The following HMOX1 variants were observed in gnomAD, a reference collection of about 807,000 sequenced individuals.
HMOX1 encodes heme oxygenase 1.
Under a neutral mutation model 27.8 loss-of-function variants are expected in HMOX1, and 22 were observed. That is an observed-to-expected ratio of 0.79 (90% CI 0.57 to 1.13). The LOEUF (loss-of-function observed/expected upper bound fraction) is 1.13. Among genes scored for constraint, HMOX1 ranks in the 50% most tolerant of loss-of-function variants. The pLI, the probability that HMOX1 is intolerant of heterozygous loss-of-function variation, is 0.00. For synonymous variants in HMOX1, 153 were observed against 151.6 expected, an observed-to-expected ratio of 1.01 and a Z score of -0.07; for missense variants, 379 against 377.7, an observed-to-expected ratio of 1.00 and a Z score of -0.03.
Position 35,383,232 on chromosome 22 carries a change from T to A in HMOX1, c.144+6T>A. The A allele has an allele frequency of 6.2e-7, 1 of 1,613,020 alleles. No homozygotes were observed. Among genetic ancestry groups the A allele is most frequent in the Non-Finnish European group, 8.5e-7 (1 of 1,179,258 alleles). On this transcript the variant is annotated splice_donor_region_variant and intron_variant, in intron 2 of 4. Transcript: ENST00000216117. ...TGACCCGAGACGGCTTCAAGGTATG[T>A]GGCTTGGTGGGACTAGCCCTGGTGG...
rs1348907082 is a variant in HMOX1, at chr22:35,381,097, A to G, written c.-77A>G. ...TGACCGGCCGCGGCTCCGGCAGTCA[A>G]CGCCTGCCTCCTCTCGAGCGTCCTC... is the stretch of plus-strand genomic sequence containing the variant. On this transcript the variant is annotated 5_prime_UTR_variant, in exon 1 of 5. Coordinates refer to ENST00000216117, the MANE Select transcript of HMOX1 (RefSeq NM_002133.3). 6.6e-7 allele frequency: 1 copy of G among 1,516,768 alleles called. No individual in the cohort carries two copies. Among genetic ancestry groups the G allele is most frequent in the African/African-American group, 1.4e-5 (1 of 72,518 alleles). The allele number at this position is 1,516,768 out of a possible 1,614,324, so 94.0% of individuals were successfully genotyped here.
chr22:35,384,377 C>T (rs970931078), intron 2 of HMOX1, among the ~76,000 whole-genome samples: 3 of 152,098 alleles, frequency 2.0e-5, no homozygotes, highest in South Asian at 2.1e-4. Flanking sequence ...AGCCACCACC[C>T]GGCCGAGACA....
At chr22:35,392,232 AAAAAAG>A (rs1161985394) in intron 4 of HMOX1, among the ~76,000 whole-genome samples, 1 of 151,758 alleles carries the variant, frequency 6.6e-6, no homozygotes, top group Non-Finnish European at 1.5e-5. Context: ...AAAAAAAAAA[AAAAAAG>A]AAAGAAAAGA....
At chr22:35,389,734 T>C (rs2145770731) in intron 3 of HMOX1, 130 bp from the exon 4 acceptor site, 1 of 731,894 alleles carries the variant, frequency 1.4e-6, no homozygotes, top group Non-Finnish European at 2.4e-6. Flanking sequence ...CACCACCGTG[T>C]CCGGCCAATA....
At position 35,389,300 on chromosome 22, in the gene HMOX1, T is replaced by C. The variant is rs867063422; in HGVS notation, c.637-564T>C. Among the ~76,000 whole-genome samples, 444 of 83,154 alleles carry C rather than the reference T, an allele frequency of 5.3e-3. 10 individuals are homozygous for C. The highest frequency in any genetic ancestry group is 0.029 in the Middle Eastern group (5 of 172). 54.6% of individuals were successfully genotyped at this position (83,154 alleles called of 152,430 possible). A position where few individuals can be genotyped will look rare whatever the true frequency, so the allele number is the denominator to read the frequency against. ...CTCTCTCTCTCTCTCTTCTTTCTTC[T>C]TTCTTTCTTTCTTTCTTTCTTCTTT... is the stretch of plus-strand genomic sequence containing the variant. On this transcript the variant is annotated intron_variant, in intron 3 of 4. Transcript: ENST00000216117.
chr22:35,389,428 CTATCTTTCTTTCTTTCTTT>C (rs1931649534), intron 3 of HMOX1, among the ~76,000 whole-genome samples: 2 of 63,984 alleles, frequency 3.1e-5, no homozygotes, highest in Non-Finnish European at 3.2e-5. Context: ...TTCTTTCTTT[CTATCTTTCTTTCTTTCTTT>C]CTTTTCTTTC....
intron 2 of HMOX1, among the ~76,000 whole-genome samples, chr22:35,384,131 G>A (rs1931451530): frequency 1.3e-5 from 2 of 151,912 alleles, no homozygotes; most frequent in Non-Finnish European, 1.5e-5. Context: ...GTCCGGGCTG[G>A]AGTGCAATGG....
chr22:35,386,584 C>T lies in HMOX1; in HGVS notation c.145-101C>T, dbSNP rs958064094. On this transcript the variant is annotated intron_variant, in intron 2 of 4. Transcript: ENST00000216117. ...GGCAGAAGGAGTCAGAGCCCAGCTG[C>T]GAAGTGAGGAGGGCCTTTCCAAAGG... 9.5e-6 allele frequency: 14 copies of T among 1,468,408 alleles called. No homozygotes were observed. In the East Asian group the frequency reaches 1.2e-4, roughly 12 times the overall value. 91.0% of individuals were successfully genotyped at this position (1,468,408 alleles called of 1,614,324 possible).
At chr22:35,383,039 G>T in intron 1 of HMOX1, 67 bp from the exon 2 acceptor site, 3 of 1,601,268 alleles carry the variant, frequency 1.9e-6, no homozygotes, top group South Asian at 2.2e-5. Flanking sequence ...CAGGTGGGAG[G>T]CTCAGCAGTT....
Position 35,389,945 on chromosome 22 carries a change from G to T in HMOX1, c.718G>T (p.Ala240Ser). 1 of 1,611,204 alleles carries T rather than the reference G, an allele frequency of 6.2e-7. No homozygotes were observed. The highest frequency in any genetic ancestry group is 1.7e-5 in the Admixed American group (1 of 59,812). ...PSRAPGLRQR[A>S]SNKVQDSAPV... is the part of the protein sequence containing the mutation. The stretch of plus-strand genomic sequence containing the variant: ...ACGGGCACCAGGGCTTCGCCAGCGG[G>T]CCAGCAACAAAGTGCAAGGTGAGAG... Residue 240 changes from alanine (A) to serine (S), a missense_variant, in exon 4 of 5, where the codon GCC becomes TCC. Ala to Ser is a moderately conservative substitution (Grantham distance 99). Coordinates refer to ENST00000216117, the MANE Select transcript of HMOX1 (RefSeq NM_002133.3).
At chr22:35,388,687 C>T (rs1931570098) in intron 3 of HMOX1, among the ~76,000 whole-genome samples, 1 of 152,040 alleles carries the variant, frequency 6.6e-6, no homozygotes, top group Non-Finnish European at 1.5e-5. Context: ...GTCCCAGCTA[C>T]TCAGGAGGCT....
Position 35,387,119 on chromosome 22 carries a change from C to G in HMOX1, c.579C>G (p.Pro193=), listed in dbSNP as rs142857696. 14 of 1,613,496 alleles carry G rather than the reference C, an allele frequency of 8.7e-6. No homozygotes were observed. In the African/African-American group the frequency reaches 1.2e-4, roughly 14 times the overall value. The change falls in exon 3 of 5, where the codon CCC becomes CCG. Residue 193 remains proline, a synonymous_variant. Transcript: ENST00000216117. ...RSRMNSLEMT[P]AVRQRVIEEA... is the part of the protein sequence containing the mutation. ...GCATGAACTCCCTGGAGATGACTCC[C>G]GCAGTCAGGCAGAGGGTGATAGAAG...
chr22:35,391,089 A>G (rs904124854), intron 4 of HMOX1, among the ~76,000 whole-genome samples: 13 of 151,722 alleles, frequency 8.6e-5, no homozygotes, highest in Admixed American at 8.5e-4. Context: ...TGGCTTTCTC[A>G]CTTGTGCCAG....
chr22:35,381,957 G>C (rs73410829), intron 1 of HMOX1, among the ~76,000 whole-genome samples: 1,767 of 152,200 alleles, frequency 0.012, 30 homozygotes, highest in African/African-American at 0.04. Context: ...ACCCATGACA[G>C]AAATACTCCC....
At position 35,383,157 on chromosome 22, in the gene HMOX1, C is replaced by T; in HGVS notation, c.75C>T (p.His25=). The stretch of plus-strand genomic sequence containing the variant: ...TGAAGGAGGCCACCAAGGAGGTGCA[C>T]ACCCAGGCAGAGAATGCTGAGTTCA... ...EALKEATKEV[H]TQAENAEFMR... Residue 25 remains histidine, a synonymous_variant, in exon 2 of 5, where the codon CAC becomes CAT. Transcript: ENST00000216117. 2 of 1,613,858 alleles carry T rather than the reference C, an allele frequency of 1.2e-6. No homozygotes were observed. Among genetic ancestry groups the T allele is most frequent in the Non-Finnish European group, 8.5e-7 (1 of 1,179,812 alleles).
chr22:35,390,182 T>TC, intron 4 of HMOX1: 1 of 590,918 alleles, frequency 1.7e-6, no homozygotes, highest in African/African-American at 1.8e-5. Context: ...TGCCTCTGCC[T>TC]CCCCACATGC....
Position 35,389,231 on chromosome 22 carries a change from T to TTCTTTCTTTC in HMOX1, c.637-624_637-623insCTCTTTCTTT, listed in dbSNP as rs1473345452. ...TTTCTTTCTCTCTTTCTTTCTTTCT[T>TTCTTTCTTTC]TCTTTCTTTTTCTTTCTTTTCTCTC... is the stretch of plus-strand genomic sequence containing the variant. On this transcript the variant is annotated intron_variant, in intron 3 of 4. Coordinates refer to ENST00000216117, the MANE Select transcript of HMOX1 (RefSeq NM_002133.3). Among the ~76,000 whole-genome samples the TTCTTTCTTTC allele has an allele frequency of 6.6e-5, 9 of 137,136 alleles. 1 individual carries two copies. Among genetic ancestry groups the TTCTTTCTTTC allele is most frequent in the Middle Eastern group, 3.4e-3 (1 of 298 alleles). The allele number at this position is 137,136 out of a possible 152,430, so 90.0% of individuals were successfully genotyped here.
chr22:35,383,917 G>C (rs1442641876), intron 2 of HMOX1, among the ~76,000 whole-genome samples: 2 of 152,020 alleles, frequency 1.3e-5, no homozygotes, highest in African/African-American at 4.8e-5. Context: ...TGAAGAACCG[G>C]GAAGATACTG....
chr22:35,383,847 T>A (rs771660938), intron 2 of HMOX1, among the ~76,000 whole-genome samples: 2 of 152,208 alleles, frequency 1.3e-5, no homozygotes, highest in Admixed American at 6.5e-5. Flanking sequence ...TGCCAGGTAC[T>A]GATTTTGCTG....
Sources: gnomAD v4.1 joint callset for allele counts (sites outside exome capture counted in the v4.1 genomes callset) on GRCh38, gnomAD v4.1.1 for gene constraint, MANE v1.5 for transcripts, NCBI Gene and HGNC (gene_info 2026-07-23, HGNC 2026-07-21) for gene names.